Variants in SLC35F1 observed in about 807,000 individuals in gnomAD.
SLC35F1 encodes the protein chromosome 6 open reading frame 169.
A neutral mutation model predicts 48.7 loss-of-function variants in SLC35F1; 14 were observed. The observed-to-expected ratio is 0.29, with a 90% CI of 0.19 to 0.45. SLC35F1 has a LOEUF of 0.45. Among genes scored for constraint, SLC35F1 ranks in the 20% least tolerant of loss-of-function variants. The probability of loss-of-function intolerance (pLI) is 1.00; values close to 1 mark genes in which losing one functional copy is unlikely to be tolerated. For synonymous variants in SLC35F1, 190 were observed against 202.2 expected, an observed-to-expected ratio of 0.94 and a Z score of 0.51; for missense variants, 404 against 500.0, an observed-to-expected ratio of 0.81 and a Z score of 1.83.
intron 3 of SLC35F1, among the ~76,000 whole-genome samples, chr6:118,251,085 C>G (rs913775935): frequency 6.6e-6 from 1 of 152,044 alleles, no homozygotes; most frequent in Non-Finnish European, 1.5e-5. Context: ...CTCAGGAGTT[C>G]AAGACAACTC....
At chr6:118,285,542 A>G (rs1776038877) in intron 7 of SLC35F1, among the ~76,000 whole-genome samples, 1 of 152,220 alleles carries the variant, frequency 6.6e-6, no homozygotes, top group African/African-American at 2.4e-5. Flanking sequence ...ACTATGGACA[A>G]TTGATAGGAA....
intron 1 of SLC35F1, among the ~76,000 whole-genome samples, chr6:117,974,812 G>T: frequency 6.6e-6 from 1 of 152,170 alleles, no homozygotes; most frequent in Non-Finnish European, 1.5e-5. Flanking sequence ...AAATAAAACA[G>T]AAAGTGAGAA....
intron 1 of SLC35F1, among the ~76,000 whole-genome samples, chr6:118,026,176 A>C (rs565800631): frequency 9.2e-5 from 14 of 152,236 alleles, no homozygotes; most frequent in Middle Eastern, 3.4e-3. Context: ...AAATAAAGGG[A>C]GGATGTTTGA....
At chr6:118,175,839 C>T (rs1466306131) in intron 2 of SLC35F1, among the ~76,000 whole-genome samples, 3 of 152,046 alleles carry the variant, frequency 2.0e-5, no homozygotes, top group South Asian at 2.1e-4. Context: ...AGAAAGTATC[C>T]GTAGTCATTC....
At chr6:118,103,682 T>C (rs1410859556) in intron 1 of SLC35F1, among the ~76,000 whole-genome samples, 1 of 152,230 alleles carries the variant, frequency 6.6e-6, no homozygotes, top group African/African-American at 2.4e-5. Flanking sequence ...GTGGCTTGAC[T>C]CTCCACCCTT....
intron 2 of SLC35F1, among the ~76,000 whole-genome samples, chr6:118,188,091 G>C (rs1381546859): frequency 6.6e-6 from 1 of 152,220 alleles, no homozygotes; most frequent in Non-Finnish European, 1.5e-5. Context: ...GCAGATTGAA[G>C]GGGAGGTCTG....
At chr6:118,244,289 G>A (rs1277950663) in intron 3 of SLC35F1, among the ~76,000 whole-genome samples, 1 of 152,252 alleles carries the variant, frequency 6.6e-6, no homozygotes, top group Non-Finnish European at 1.5e-5. Flanking sequence ...GCTTGGCCTA[G>A]GAAAGAATTC....
intron 2 of SLC35F1, among the ~76,000 whole-genome samples, chr6:118,171,859 CTT>C (rs772306212): frequency 1.3e-5 from 2 of 152,078 alleles, no homozygotes; most frequent in Non-Finnish European, 2.9e-5. Context: ...CATATAGTCT[CTT>C]GTTTCATCTT....
intron 7 of SLC35F1, among the ~76,000 whole-genome samples, chr6:118,300,150 C>T (rs1776239586): frequency 6.6e-6 from 1 of 152,156 alleles, no homozygotes; most frequent in Non-Finnish European, 1.5e-5. Context: ...TACATCTGTA[C>T]TGAACCTTAT....
intron 1 of SLC35F1, among the ~76,000 whole-genome samples, chr6:118,148,814 A>G (rs1348118353): frequency 6.6e-6 from 1 of 152,172 alleles, no homozygotes; most frequent in Non-Finnish European, 1.5e-5. Context: ...ATAGCACCTT[A>G]CCAGGCTTGT....
At chr6:118,209,695 AC>A (rs1473668636) in intron 2 of SLC35F1, among the ~76,000 whole-genome samples, 1 of 152,094 alleles carries the variant, frequency 6.6e-6, no homozygotes, top group Non-Finnish European at 1.5e-5. Flanking sequence ...GGTAGCCATG[AC>A]ATTTTAGGAG....
intron 1 of SLC35F1, among the ~76,000 whole-genome samples, chr6:117,908,391 C>T (rs1175517088): frequency 1.3e-5 from 2 of 152,212 alleles, no homozygotes; most frequent in Non-Finnish European, 2.9e-5. Flanking sequence ...GGAATGGGGT[C>T]GCAGCGACAG....
intron 4 of SLC35F1, among the ~76,000 whole-genome samples, chr6:118,268,506 A>G (rs1775805468): frequency 6.6e-6 from 1 of 150,664 alleles, no homozygotes; most frequent in Non-Finnish European, 1.5e-5. Context: ...TAATGTTGAT[A>G]TGAATAATCT....
At chr6:118,118,941 CT>C (rs35921856) in intron 1 of SLC35F1, among the ~76,000 whole-genome samples, 83,053 of 143,552 alleles carry the variant, frequency 0.58, 24,309 homozygotes, top group East Asian at 0.91. Flanking sequence ...TGCTTGTTTG[CT>C]TTTTTTTTTT....
At chr6:118,208,100 C>A (rs205922) in intron 2 of SLC35F1, among the ~76,000 whole-genome samples, 11,122 of 142,578 alleles carry the variant, frequency 0.078, 472 homozygotes, top group South Asian at 0.14. Context: ...CACACATGCA[C>A]GCACACACAC....
At chr6:118,078,470 G>A (rs1277038907) in intron 1 of SLC35F1, among the ~76,000 whole-genome samples, 5 of 152,108 alleles carry the variant, frequency 3.3e-5, no homozygotes, top group Non-Finnish European at 5.9e-5. Context: ...TTCTGACTGA[G>A]GGCCAAAAGG....
At chr6:118,108,920 A>G (rs1241356186) in intron 1 of SLC35F1, among the ~76,000 whole-genome samples, 2 of 152,146 alleles carry the variant, frequency 1.3e-5, no homozygotes, top group East Asian at 3.9e-4. Flanking sequence ...TTTGTTTTGA[A>G]TTATTCTAAA....
intron 1 of SLC35F1, among the ~76,000 whole-genome samples, chr6:117,939,274 A>G (rs916276185): frequency 6.6e-6 from 1 of 151,972 alleles, no homozygotes; most frequent in Non-Finnish European, 1.5e-5. Context: ...CCACTACCCC[A>G]CCAAGGCCTT....
intron 3 of SLC35F1, among the ~76,000 whole-genome samples, chr6:118,244,744 A>T (rs754186848): frequency 6.6e-6 from 1 of 152,218 alleles, no homozygotes; most frequent in Non-Finnish European, 1.5e-5. Context: ...AATCTTTGAA[A>T]GTGGGACTTG....
Sources: allele counts gnomAD v4.1 joint callset (sites outside exome capture counted in the v4.1 genomes callset), GRCh38; gene constraint gnomAD v4.1.1; transcripts MANE v1.5; gene names NCBI Gene and HGNC (gene_info 2026-07-23, HGNC 2026-07-21).